Variants in GRM8 observed in about 807,000 individuals in gnomAD.
The protein encoded by GRM8 is metabotropic glutamate receptor 8.
Under a neutral mutation model 87.2 loss-of-function variants are expected in GRM8, and 47 were observed. The ratio of observed to expected loss-of-function variants is 0.54; its 90% CI spans 0.43 to 0.69. The LOEUF (loss-of-function observed/expected upper bound fraction) is 0.69. Among genes scored for constraint, GRM8 ranks in the 30% least tolerant of loss-of-function variants. The pLI is 0.00. For synonymous variants in GRM8, 396 were observed against 404.5 expected (o/e 0.98, Z 0.25); for missense variants, 1,019 against 1,139.2 (o/e 0.89, Z 1.52).
At chr7:126,641,833 C>T (rs1485448500) in intron 7 of GRM8, among the ~76,000 whole-genome samples, 1 of 152,050 alleles carries the variant, frequency 6.6e-6, no homozygotes, top group Non-Finnish European at 1.5e-5. Flanking sequence ...AGCTGAGGCA[C>T]AAAGGTATGA....
chr7:127,101,604 T>A (rs993840879), intron 3 of GRM8, among the ~76,000 whole-genome samples: 1 of 152,236 alleles, frequency 6.6e-6, no homozygotes, highest in Non-Finnish European at 1.5e-5. Context: ...TCTGTGATGA[T>A]TGTAAGCCTC....
At chr7:126,927,717 A>G (rs1244735072) in intron 3 of GRM8, among the ~76,000 whole-genome samples, 2 of 143,332 alleles carry the variant, frequency 1.4e-5, no homozygotes, top group East Asian at 4.2e-4. Flanking sequence ...TCAAGAAACA[A>G]CAGATGCTGG....
intron 2 of GRM8, among the ~76,000 whole-genome samples, chr7:127,223,692 T>C (rs1797116313): frequency 6.6e-6 from 1 of 152,048 alleles, no homozygotes; most frequent in Non-Finnish European, 1.5e-5. Context: ...TCAGCAGTAA[T>C]GAAGCCATTC....
At chr7:126,872,461 G>A (rs1408034415) in intron 6 of GRM8, among the ~76,000 whole-genome samples, 2 of 152,098 alleles carry the variant, frequency 1.3e-5, no homozygotes, top group South Asian at 2.1e-4. Flanking sequence ...CTACTAAGAC[G>A]TTGTTTAGGG....
At chr7:126,601,836 T>G (rs1797811254) in intron 8 of GRM8, among the ~76,000 whole-genome samples, 1 of 142,972 alleles carries the variant, frequency 7.0e-6, no homozygotes, top group Non-Finnish European at 1.6e-5. Context: ...ATATTAGCCC[T>G]TTGTCAGATG....
chr7:126,896,694 T>C (rs1319554910), intron 6 of GRM8, among the ~76,000 whole-genome samples: 1 of 152,202 alleles, frequency 6.6e-6, no homozygotes, highest in East Asian at 1.9e-4. Flanking sequence ...CAGGATTGCT[T>C]GTTTGTGGGA....
chr7:126,877,232 T>G (rs1799601180), intron 6 of GRM8, among the ~76,000 whole-genome samples: 1 of 152,196 alleles, frequency 6.6e-6, no homozygotes, highest in African/African-American at 2.4e-5. Context: ...TTTGCCTGCT[T>G]CTAAATATGT....
intron 7 of GRM8, among the ~76,000 whole-genome samples, chr7:126,704,532 C>T (rs909439648): frequency 6.6e-5 from 10 of 152,114 alleles, no homozygotes; most frequent in Non-Finnish European, 1.3e-4. Flanking sequence ...GTGAGCCGGG[C>T]GGAACAGAGC....
intron 7 of GRM8, among the ~76,000 whole-genome samples, chr7:126,672,426 C>T (rs181620420): frequency 1.5e-4 from 23 of 152,228 alleles, no homozygotes; most frequent in African/African-American, 5.5e-4. Context: ...CACTCTGTAC[C>T]CCTTTAGACT....
At chr7:126,580,848 C>A (rs533855450) in intron 8 of GRM8, among the ~76,000 whole-genome samples, 1 of 151,694 alleles carries the variant, frequency 6.6e-6, no homozygotes, top group Middle Eastern at 3.2e-3. Flanking sequence ...AAATATTCTT[C>A]AAATAAAAAG....
intron 8 of GRM8, among the ~76,000 whole-genome samples, chr7:126,590,312 T>G (rs975082688): frequency 6.6e-6 from 1 of 151,332 alleles, no homozygotes; most frequent in African/African-American, 2.4e-5. Context: ...TTTGAAATAA[T>G]CCAATTCAAC....
At chr7:126,663,173 C>T (rs1251804498) in intron 7 of GRM8, among the ~76,000 whole-genome samples, 2 of 152,190 alleles carry the variant, frequency 1.3e-5, no homozygotes, top group Non-Finnish European at 2.9e-5. Flanking sequence ...AAACAAAAGC[C>T]CTACGGCAGA....
rs73449077 is a variant in GRM8, at chr7:126,714,621, C to T, written c.1357+55244G>A. ...AGGTTTCCTAGAAGTGTAATGGGAG[C>T]CCAGATGAAATGCAATATAGGCAGT... is the stretch of plus-strand genomic sequence containing the variant. On this transcript the variant is annotated intron_variant, in intron 7 of 10. Transcript: ENST00000339582. Among the ~76,000 whole-genome samples, 1,484 of 152,094 alleles carry T rather than the reference C, an allele frequency of 9.8e-3. 29 individuals are homozygous for T. Among genetic ancestry groups the T allele is most frequent in the African/African-American group, 0.034 (1,400 of 41,500 alleles).
chr7:126,716,753 A>G (rs1465298224), intron 7 of GRM8, among the ~76,000 whole-genome samples: 2 of 152,138 alleles, frequency 1.3e-5, no homozygotes, highest in African/African-American at 4.8e-5. Context: ...ATTTTTTACA[A>G]TGTTTGTAGG....
At chr7:127,101,866 C>A (rs1027443321) in intron 3 of GRM8, among the ~76,000 whole-genome samples, 2 of 152,050 alleles carry the variant, frequency 1.3e-5, no homozygotes, top group Admixed American at 6.6e-5. Context: ...CAGAAGAAGA[C>A]AGGAAGATGA....
intron 9 of GRM8, among the ~76,000 whole-genome samples, chr7:126,507,665 C>A (rs1413018177): frequency 2.0e-5 from 3 of 152,010 alleles, no homozygotes; most frequent in Admixed American, 2.0e-4. Context: ...TTTGTATTTG[C>A]CTTTCACTAT....
intron 2 of GRM8, among the ~76,000 whole-genome samples, chr7:127,140,887 TTG>T (rs1313030481): frequency 3.9e-5 from 6 of 152,070 alleles, no homozygotes; most frequent in African/African-American, 1.4e-4. Flanking sequence ...ATAATGTAAG[TTG>T]TGTTTTTTTC....
At chr7:126,768,357 T>TAAAAAAAAAAAAAAAAAA (rs57868820) in intron 7 of GRM8, among the ~76,000 whole-genome samples, 1 of 53,550 alleles carries the variant, frequency 1.9e-5, no homozygotes, top group African/African-American at 8.3e-5. Flanking sequence ...TTTGATAATG[T>TAAAAAAAAAAAAAAAAAA]AAAAAAAAAA....
chr7:127,233,882 C>G (rs1797838396), intron 2 of GRM8, among the ~76,000 whole-genome samples: 1 of 152,184 alleles, frequency 6.6e-6, no homozygotes, highest in Non-Finnish European at 1.5e-5. Context: ...ACCCCTACAC[C>G]TTGCCAGCCT....
Sources: allele counts gnomAD v4.1 joint callset (sites outside exome capture counted in the v4.1 genomes callset), GRCh38; gene constraint gnomAD v4.1.1; transcripts MANE v1.5; gene names NCBI Gene and HGNC (gene_info 2026-07-23, HGNC 2026-07-21).